ASTN1: variants seen among roughly 807,000 people sequenced by gnomAD.
The protein encoded by ASTN1 is astrotactin 1.
Under a neutral mutation model 140.7 loss-of-function variants are expected in ASTN1, and 41 were observed. The ratio of observed to expected loss-of-function variants is 0.29; its 90% CI spans 0.23 to 0.38. The LOEUF is 0.38. Among genes scored for constraint, ASTN1 ranks in the 10% least tolerant of loss-of-function variants. The pLI is 1.00. For synonymous variants in ASTN1, 640 were observed against 652.2 expected (o/e 0.98, Z 0.29); for missense variants, 1,479 against 1,678.8 (o/e 0.88, Z 2.08).
At chr1:177,021,969 TG>T (rs1675847592) in intron 7 of ASTN1, among the ~76,000 whole-genome samples, 1 of 152,232 alleles carries the variant, frequency 6.6e-6, no homozygotes, top group Non-Finnish European at 1.5e-5. Context: ...CCTGACAGCG[TG>T]GGAGGAGCAG....
intron 1 of ASTN1, among the ~76,000 whole-genome samples, chr1:177,117,811 C>G (rs943374858): frequency 3.9e-5 from 6 of 152,272 alleles, no homozygotes; most frequent in African/African-American, 1.4e-4. Flanking sequence ...ACCTCTATAC[C>G]TACTAAAATA....
rs983723378 is a variant in ASTN1 at position 176,936,511 on chromosome 1, A to G, written c.2378-141T>C. The G allele has an allele frequency of 8.8e-6, 6 of 681,688 alleles. No homozygotes were observed. The Admixed American group carries it at 1.6e-4, about 19-fold the overall frequency. 42.2% of individuals were successfully genotyped at this position (681,688 alleles called of 1,614,324 possible). ...GTTCTTTGATGAAGAGAATTTCTGGAACCATAGTAACAACAGTTATCATTT... is the reference window on the plus strand; with the variant it reads ...GTTCTTTGATGAAGAGAATTTCTGGGACCATAGTAACAACAGTTATCATTT... On this transcript the variant is annotated intron_variant, in intron 14 of 22. Transcript: ENST00000361833.
chr1:177,052,042 A>T (rs191344790), intron 2 of ASTN1, among the ~76,000 whole-genome samples: 7 of 152,208 alleles, frequency 4.6e-5, no homozygotes, highest in Non-Finnish European at 8.8e-5. Context: ...ATCCTAAATC[A>T]TAAGACGCCT....
chr1:177,136,031 T>G (rs1426476271), intron 1 of ASTN1, among the ~76,000 whole-genome samples: 2 of 152,228 alleles, frequency 1.3e-5, no homozygotes, highest in African/African-American at 4.8e-5. Context: ...TGACCTCTCT[T>G]CCTGAAGAAA....
chr1:176,932,221 A>C (rs552496789), intron 16 of ASTN1, among the ~76,000 whole-genome samples: 1 of 152,350 alleles, frequency 6.6e-6, no homozygotes, highest in African/African-American at 2.4e-5. Context: ...AATAACATAT[A>C]ATCAAAGGAC....
Position 176,862,357 on chromosome 1 carries a change from G to C in ASTN1, c.*1927C>G. 1 of 985,496 alleles carries C rather than the reference G, an allele frequency of 1.0e-6. No homozygotes were observed. Among genetic ancestry groups the C allele is most frequent in the Non-Finnish European group, 1.2e-6 (1 of 829,990 alleles). 61.0% of individuals were successfully genotyped at this position (985,496 alleles called of 1,614,324 possible). ...AGGCTTCCTTCCCAGTCATGAGGGTGGGGAGGAGGGCCATGTGCAGTGGAA... is the reference window on the plus strand; with the variant it reads ...AGGCTTCCTTCCCAGTCATGAGGGTCGGGAGGAGGGCCATGTGCAGTGGAA... On this transcript the variant is annotated 3_prime_UTR_variant, in exon 23 of 23. Transcript: ENST00000361833.
intron 16 of ASTN1, among the ~76,000 whole-genome samples, chr1:176,931,494 A>G (rs1671204242): frequency 6.6e-6 from 1 of 152,154 alleles, no homozygotes; most frequent in Non-Finnish European, 1.5e-5. Context: ...AAACAAATAA[A>G]TAAATAAATA....
chr1:176,922,530 T>TA (rs1316034912), intron 16 of ASTN1, among the ~76,000 whole-genome samples: 1 of 133,188 alleles, frequency 7.5e-6, no homozygotes, highest in Non-Finnish European at 1.5e-5. Flanking sequence ...AGCACATTCT[T>TA]ACAGTGTCCA....
At chr1:177,071,274 C>T (rs183032834) in intron 1 of ASTN1, among the ~76,000 whole-genome samples, 3 of 152,282 alleles carry the variant, frequency 2.0e-5, no homozygotes, top group Admixed American at 6.5e-5. Context: ...GCATGCAAGG[C>T]CAGCCCCAGG....
At chr1:176,957,641 C>A (rs1672466573) in intron 11 of ASTN1, 37 bp downstream of exon 11, 1 of 1,607,808 alleles carries the variant, frequency 6.2e-7, no homozygotes, top group African/African-American at 1.3e-5. Context: ...CCTCCCCATC[C>A]TCAAACAGAA....
intron 1 of ASTN1, among the ~76,000 whole-genome samples, chr1:177,125,712 T>C (rs1256250945): frequency 1.3e-5 from 2 of 152,340 alleles, no homozygotes; most frequent in African/African-American, 4.8e-5. Flanking sequence ...TACTGTATTT[T>C]GGGACCTCAA....
Position 177,086,706 on chromosome 1 carries a change from TTATATA to T in ASTN1, c.284-25447_284-25442del, listed in dbSNP as rs1161641925. On this transcript the variant is annotated intron_variant, in intron 1 of 22. Transcript: ENST00000361833. ...ATGAGCTCAGTTTTTTAAAAAGAAA[TTATATA>T]TGCATAGAAAATTGGCAGAATAATG... Among the ~76,000 whole-genome samples, 10 of 152,300 alleles carry T rather than the reference TTATATA, an allele frequency of 6.6e-5. No homozygotes were observed. The South Asian group carries it at 2.1e-3, about 32-fold the overall frequency.
intron 1 of ASTN1, among the ~76,000 whole-genome samples, chr1:177,112,266 G>A (rs1680857428): frequency 6.6e-6 from 1 of 152,214 alleles, no homozygotes; most frequent in South Asian, 2.1e-4. Context: ...TTATTACCAT[G>A]TTTTTGCTGC....
At position 177,108,771 on chromosome 1, in the gene ASTN1, G is replaced by C. The variant is rs1023271552; in HGVS notation, c.284-47506C>G. Among the ~76,000 whole-genome samples, 7 of 152,176 alleles carry C rather than the reference G, an allele frequency of 4.6e-5. No homozygotes were observed. The East Asian group carries it at 7.7e-4, about 17-fold the overall frequency. ...TGGGGCATGTTAAATTTTAGTGACTGTGAGATAGATAAATATTCATATTCA... is the reference window on the plus strand; with the variant it reads ...TGGGGCATGTTAAATTTTAGTGACTCTGAGATAGATAAATATTCATATTCA... On this transcript the variant is annotated intron_variant, in intron 1 of 22. Coordinates refer to ENST00000361833, the MANE Select transcript of ASTN1 (RefSeq NM_004319.3).
At chr1:177,045,294 C>A (rs1374680537) in intron 2 of ASTN1, among the ~76,000 whole-genome samples, 2 of 152,240 alleles carry the variant, frequency 1.3e-5, no homozygotes, top group East Asian at 3.8e-4. Context: ...CCTTCCACAG[C>A]CCCAGCCTTA....
chr1:177,087,962 GT>G (rs1679561977), intron 1 of ASTN1, among the ~76,000 whole-genome samples: 4 of 152,332 alleles, frequency 2.6e-5, no homozygotes, highest in African/African-American at 9.6e-5. Flanking sequence ...CACCAGCTCA[GT>G]TGAGCTCTAC....
At chr1:176,980,976 C>T (rs1673585544) in intron 8 of ASTN1, among the ~76,000 whole-genome samples, 1 of 151,888 alleles carries the variant, frequency 6.6e-6, no homozygotes, top group Admixed American at 6.6e-5. Context: ...CTTTGGGAGG[C>T]TGTGGTGGGT....
intron 8 of ASTN1, among the ~76,000 whole-genome samples, chr1:177,009,142 C>G (rs1459369332): frequency 1.3e-5 from 2 of 152,224 alleles, no homozygotes; most frequent in African/African-American, 4.8e-5. Flanking sequence ...ATGCCAGTCA[C>G]TGCCCTAAGA....
chr1:177,004,731 A>G (rs754241206), intron 8 of ASTN1, among the ~76,000 whole-genome samples: 2 of 152,202 alleles, frequency 1.3e-5, no homozygotes, highest in Non-Finnish European at 2.9e-5. Context: ...CAAGGAAAGG[A>G]CACCCTATTC....
Sources: allele counts gnomAD v4.1 joint callset (sites outside exome capture counted in the v4.1 genomes callset), GRCh38; gene constraint gnomAD v4.1.1; transcripts MANE v1.5; gene names NCBI Gene and HGNC (gene_info 2026-07-23, HGNC 2026-07-21).